The following TGFBR3 variants were observed in gnomAD, a reference collection of about 807,000 sequenced individuals.
TGFBR3 encodes the protein transforming growth factor beta receptor type 3.
TGFBR3 carries 46 observed loss-of-function variants against 87.9 expected under a neutral mutation model. The observed-to-expected ratio is 0.52, with a 90% CI of 0.41 to 0.67. The LOEUF is 0.67. Among genes scored for constraint, TGFBR3 ranks in the 30% least tolerant of loss-of-function variants. The probability of loss-of-function intolerance (pLI) is 0.00; values close to 1 mark genes in which losing one functional copy is unlikely to be tolerated. For synonymous variants in TGFBR3, 381 were observed against 391.6 expected, an observed-to-expected ratio of 0.97 and a Z score of 0.32; for missense variants, 866 against 1,041.9, an observed-to-expected ratio of 0.83 and a Z score of 2.32.
rs552229393 is a variant in TGFBR3, at chr1:91,742,793, C to T, written c.385-7834G>A. On this transcript the variant is annotated intron_variant, in intron 4 of 16. Coordinates refer to ENST00000212355, the MANE Select transcript of TGFBR3 (RefSeq NM_003243.5). ...GGTGCACCCTGGACTCTCCTGAATG[C>T]TCCTCCCTACTTGAACCATGCACAA... Among the ~76,000 whole-genome samples, 211 of 152,266 alleles carry T rather than the reference C, an allele frequency of 1.4e-3. 2 individuals are homozygous for T. The highest frequency in any genetic ancestry group is 2.4e-3 in the Non-Finnish European group (166 of 68,026).
chr1:91,741,045 A>T (rs898179173), intron 4 of TGFBR3, among the ~76,000 whole-genome samples: 1 of 152,212 alleles, frequency 6.6e-6, no homozygotes, highest in African/African-American at 2.4e-5. Flanking sequence ...TCCCACACCA[A>T]CTAATTCTCC....
intron 2 of TGFBR3, among the ~76,000 whole-genome samples, chr1:91,807,056 A>G (rs1675861146): frequency 1.3e-5 from 2 of 152,372 alleles, no homozygotes; most frequent in East Asian, 1.9e-4. Context: ...GAATGCCCTG[A>G]GCTCACAAAC....
chr1:91,742,907 T>C (rs1051550850), intron 4 of TGFBR3, among the ~76,000 whole-genome samples: 2 of 152,222 alleles, frequency 1.3e-5, no homozygotes, highest in African/African-American at 4.8e-5. Flanking sequence ...AGTTTTATTA[T>C]AAGAACTTAC....
At chr1:91,893,984 C>A (rs1679498411) in intron 2 of TGFBR3, among the ~76,000 whole-genome samples, 1 of 150,820 alleles carries the variant, frequency 6.6e-6, no homozygotes, top group Non-Finnish European at 1.5e-5. Flanking sequence ...AATCCCAGCA[C>A]TTTGGGAGGC....
chr1:91,874,396 G>T (rs1678704461), intron 1 of TGFBR3, among the ~76,000 whole-genome samples: 1 of 152,198 alleles, frequency 6.6e-6, no homozygotes, highest in African/African-American at 2.4e-5. Context: ...AGCACAAGAG[G>T]GAAGTCAACT....
intron 1 of TGFBR3, among the ~76,000 whole-genome samples, chr1:91,882,609 G>A (rs1455702255): frequency 1.3e-5 from 2 of 152,076 alleles, no homozygotes; most frequent in African/African-American, 4.8e-5. Flanking sequence ...GCCGGGCATG[G>A]TGGCGAGTGC....
intron 3 of TGFBR3, among the ~76,000 whole-genome samples, chr1:91,781,832 G>A (rs971090517): frequency 6.6e-6 from 1 of 152,048 alleles, no homozygotes; most frequent in Non-Finnish European, 1.5e-5. Flanking sequence ...GCAAATAGGA[G>A]AGCTGAATCA....
chr1:91,681,801 A>G lies in TGFBR3; in HGVS notation c.*1938T>C, dbSNP rs1670917090. 2.2e-6 allele frequency: 1 copy of G among 451,598 alleles called. No individual in the cohort carries two copies. The highest frequency in any genetic ancestry group is 6.9e-5 in the East Asian group (1 of 14,394). The allele number at this position is 451,598 out of a possible 1,614,324, so 28.0% of individuals were successfully genotyped here. The stretch of plus-strand genomic sequence containing the variant: ...ATCTTTAAACTTTTTTATACATAGA[A>G]TATGCTGAAACAATACATTCCACCG... On this transcript the variant is annotated 3_prime_UTR_variant, in exon 17 of 17. Coordinates refer to ENST00000212355, the MANE Select transcript of TGFBR3 (RefSeq NM_003243.5).
chr1:91,739,421 C>A (rs973057808), intron 4 of TGFBR3, among the ~76,000 whole-genome samples: 4 of 152,140 alleles, frequency 2.6e-5, no homozygotes, highest in African/African-American at 9.7e-5. Context: ...ATTCTTCAGA[C>A]CCATATTTCA....
intron 16 of TGFBR3, among the ~76,000 whole-genome samples, chr1:91,693,706 T>C (rs960095736): frequency 3.3e-5 from 5 of 152,122 alleles, no homozygotes; most frequent in Non-Finnish European, 5.9e-5. Context: ...AGCAGGCACA[T>C]GGTAAACATC....
chr1:91,905,861 C>G (rs1271290342), exon 1 of TGFBR3: 1 of 152,326 alleles, frequency 6.6e-6, no homozygotes, highest in African/African-American at 2.4e-5. Context: ...CTTGTGTGTG[C>G]TGGCATCCAT....
chr1:91,901,139 T>G (rs1256771669), intron 1 of TGFBR3, among the ~76,000 whole-genome samples: 1 of 152,224 alleles, frequency 6.6e-6, no homozygotes, highest in East Asian at 1.9e-4. Context: ...AGTGCCTCCA[T>G]GTCCTCATCC....
At chr1:91,726,790 CAAAAAAAAAAAAAA>C (rs199939529) in intron 7 of TGFBR3, among the ~76,000 whole-genome samples, 1 of 90,594 alleles carries the variant, frequency 1.1e-5, no homozygotes, top group African/African-American at 4.6e-5. Flanking sequence ...AGAGATTGGC[CAAAAAAAAAAAAAA>C]AAAAAAAAAA....
chr1:91,700,086 T>C (rs1671570599), intron 14 of TGFBR3, among the ~76,000 whole-genome samples: 1 of 152,266 alleles, frequency 6.6e-6, no homozygotes, highest in Non-Finnish European at 1.5e-5. Flanking sequence ...ATACTGTCTA[T>C]GGCTGCTTTC....
chr1:91,695,944 A>T (rs1410956272), intron 15 of TGFBR3, among the ~76,000 whole-genome samples, 165 bp from the exon 16 acceptor site: 7 of 152,166 alleles, frequency 4.6e-5, no homozygotes, highest in African/African-American at 1.7e-4. Context: ...TAACTTGCAA[A>T]TTTTTTTCAA....
In TGFBR3 at chr1:91,707,579, C is replaced by T. The variant is rs1168342064; in HGVS notation, c.2287+1084G>A. The stretch of plus-strand genomic sequence containing the variant: ...CCCAGCAGGCCTTCCAGCTAATACC[C>T]TGAAACTGGAGCCAGACAGTGTGCT... On this transcript the variant is annotated intron_variant, in intron 14 of 16. Coordinates refer to ENST00000212355, the MANE Select transcript of TGFBR3 (RefSeq NM_003243.5). 3.3e-5 allele frequency among the ~76,000 whole-genome samples: 5 copies of T among 152,238 alleles called. No homozygotes were observed. The East Asian group carries it at 9.6e-4, about 29-fold the overall frequency.
intron 1 of TGFBR3, among the ~76,000 whole-genome samples, chr1:91,865,635 G>A (rs1047416314): frequency 1.2e-4 from 18 of 152,112 alleles, no homozygotes; most frequent in Non-Finnish European, 2.2e-4. Flanking sequence ...GAACTTGGCC[G>A]GGCGCGGTGG....
At chr1:91,760,486 G>C (rs1473396673) in intron 3 of TGFBR3, among the ~76,000 whole-genome samples, 1 of 152,014 alleles carries the variant, frequency 6.6e-6, no homozygotes, top group African/African-American at 2.4e-5. Flanking sequence ...CAAAAGGCCG[G>C]GAAGTAAACA....
chr1:91,846,173 G>A (rs902105613), intron 2 of TGFBR3, among the ~76,000 whole-genome samples: 1 of 152,144 alleles, frequency 6.6e-6, no homozygotes, highest in Non-Finnish European at 1.5e-5. Flanking sequence ...ATTCCAAAAC[G>A]CAATTGAGCC....
Sources: allele counts gnomAD v4.1 joint callset (sites outside exome capture counted in the v4.1 genomes callset), GRCh38; gene constraint gnomAD v4.1.1; transcripts MANE v1.5; gene names NCBI Gene and HGNC (gene_info 2026-07-23, HGNC 2026-07-21).